The following GRIK4 variants were observed in gnomAD, a reference collection of about 807,000 sequenced individuals.
The protein encoded by GRIK4 is glutamate receptor ionotropic, kainate 4.
In GRIK4, 40 loss-of-function variants were observed where a neutral mutation model predicts 104.9. The observed-to-expected ratio is 0.38, with a 90% CI of 0.30 to 0.50. The LOEUF is 0.50. Ranked by LOEUF, GRIK4 falls within the 20% of genes least tolerant of loss-of-function variation. GRIK4 has a pLI of 0.93. For synonymous variants in GRIK4, 485 were observed against 524.9 expected (o/e 0.92, Z 1.04); for missense variants, 1,047 against 1,308.1 (o/e 0.80, Z 3.08).
chr11:120,835,348 C>T (rs866472029), intron 7 of GRIK4, among the ~76,000 whole-genome samples: 3 of 152,246 alleles, frequency 2.0e-5, no homozygotes, highest in South Asian at 2.1e-4. Flanking sequence ...GCCAATATGG[C>T]GAAATCCCAT....
chr11:120,733,504 G>A (rs536333509), intron 3 of GRIK4, among the ~76,000 whole-genome samples: 1 of 151,476 alleles, frequency 6.6e-6, no homozygotes, highest in South Asian at 2.1e-4. Flanking sequence ...TTTTTTTGGG[G>A]GGGGAGCTTA....
intron 3 of GRIK4, among the ~76,000 whole-genome samples, chr11:120,673,947 C>A (rs1396412037): frequency 6.6e-6 from 1 of 152,194 alleles, no homozygotes; most frequent in Non-Finnish European, 1.5e-5. Flanking sequence ...ATTGGTTTTT[C>A]TATTGAGCCT....
At chr11:120,812,769 G>A (rs927818411) in intron 4 of GRIK4, among the ~76,000 whole-genome samples, 4 of 152,218 alleles carry the variant, frequency 2.6e-5, no homozygotes, top group African/African-American at 7.2e-5. Flanking sequence ...TCCAGCAGGT[G>A]GTTGGAACTT....
At chr11:120,845,112 G>T (rs1304444583) in intron 8 of GRIK4, among the ~76,000 whole-genome samples, 1 of 152,178 alleles carries the variant, frequency 6.6e-6, no homozygotes, top group Non-Finnish European at 1.5e-5. Flanking sequence ...CCATTATGAA[G>T]TGATCTAGTC....
intron 1 of GRIK4, among the ~76,000 whole-genome samples, chr11:120,647,528 C>G (rs1198565383): frequency 6.6e-6 from 1 of 152,234 alleles, no homozygotes; most frequent in Admixed American, 6.5e-5. Context: ...CTCTGAGCCC[C>G]TCAGGAACAA....
chr11:120,575,973 A>G (rs913595550), intron 1 of GRIK4: 1 of 151,762 alleles, frequency 6.6e-6, no homozygotes, highest in Non-Finnish European at 1.5e-5. Flanking sequence ...AAAAAAAAAA[A>G]TGCCATCCAG....
At chr11:120,550,852 C>T (rs1464273001) in intron 1 of GRIK4, among the ~76,000 whole-genome samples, 1 of 152,052 alleles carries the variant, frequency 6.6e-6, no homozygotes, top group Admixed American at 6.6e-5. Flanking sequence ...ACAAACCGTT[C>T]TTTGAGGAGT....
At position 120,612,584 on chromosome 11, in the gene GRIK4, C is replaced by T. The variant is rs79447902; in HGVS notation, c.-158-41101C>T. Among the ~76,000 whole-genome samples, 58 of 152,000 alleles carry T rather than the reference C, an allele frequency of 3.8e-4. No individual in the cohort carries two copies. The East Asian group carries it at 0.011, about 29-fold the overall frequency. The stretch of plus-strand genomic sequence containing the variant: ...CTAAGCCTGAGTCCCTATGATGAAA[C>T]GTATAGCATGTGGGATTCCCCATGA... On this transcript the variant is annotated intron_variant, in intron 1 of 20. Coordinates refer to ENST00000527524, the MANE Select transcript of GRIK4 (RefSeq NM_014619.5).
intron 1 of GRIK4, among the ~76,000 whole-genome samples, chr11:120,578,510 G>T (rs988982648): frequency 3.3e-5 from 5 of 152,186 alleles, no homozygotes; most frequent in African/African-American, 1.2e-4. Flanking sequence ...AACCTTACAC[G>T]TAACACAGCT....
chr11:120,950,710 C>G (rs1051617939), intron 14 of GRIK4, among the ~76,000 whole-genome samples: 2 of 152,186 alleles, frequency 1.3e-5, no homozygotes, highest in Non-Finnish European at 2.9e-5. Flanking sequence ...CTCTCTGTGT[C>G]TTCCTGTGTC....
intron 3 of GRIK4, among the ~76,000 whole-genome samples, chr11:120,661,905 A>T (rs1949824226): frequency 6.6e-6 from 1 of 152,218 alleles, no homozygotes; most frequent in African/African-American, 2.4e-5. Context: ...TTCAAAACCT[A>T]ATTTAATTCT....
chr11:120,951,880 C>T (rs996926248), intron 14 of GRIK4, among the ~76,000 whole-genome samples: 8 of 152,158 alleles, frequency 5.3e-5, no homozygotes, highest in African/African-American at 1.9e-4. Context: ...GCAACTAATA[C>T]AAACTAGGTA....
intron 11 of GRIK4, among the ~76,000 whole-genome samples, chr11:120,896,276 G>T (rs188385636): frequency 7.0e-4 from 106 of 152,354 alleles, no homozygotes; most frequent in African/African-American, 2.5e-3. Context: ...AGGCCTCTCA[G>T]CTGACAGGCT....
chr11:120,907,128 C>G (rs369593876), intron 13 of GRIK4, among the ~76,000 whole-genome samples: 1 of 152,208 alleles, frequency 6.6e-6, no homozygotes, highest in Middle Eastern at 3.2e-3. Context: ...CAGACCCACT[C>G]CTGAAACATT....
intron 1 of GRIK4, among the ~76,000 whole-genome samples, chr11:120,533,000 A>G (rs1947937929): frequency 6.6e-6 from 1 of 152,204 alleles, no homozygotes; most frequent in African/African-American, 2.4e-5. Flanking sequence ...GAGACAGAGA[A>G]GTAAACAGAT....
chr11:120,896,315 CTTTTG>C (rs1167718428), intron 11 of GRIK4, among the ~76,000 whole-genome samples: 2 of 152,198 alleles, frequency 1.3e-5, no homozygotes, highest in Non-Finnish European at 2.9e-5. Context: ...TGGGTGGGCT[CTTTTG>C]TTTTGGCCTC....
At chr11:120,893,053 G>A (rs1942461605) in intron 11 of GRIK4, among the ~76,000 whole-genome samples, 1 of 152,220 alleles carries the variant, frequency 6.6e-6, no homozygotes, top group South Asian at 2.1e-4. Flanking sequence ...GTAACCCCAA[G>A]GGTAGCACTG....
chr11:120,587,620 G>T (rs961833627), intron 1 of GRIK4, among the ~76,000 whole-genome samples: 1 of 152,192 alleles, frequency 6.6e-6, no homozygotes, highest in Non-Finnish European at 1.5e-5. Flanking sequence ...CCAGTAACTT[G>T]TGAGGGGAGC....
intron 1 of GRIK4, among the ~76,000 whole-genome samples, chr11:120,542,700 C>T (rs1385790747): frequency 6.6e-6 from 1 of 152,218 alleles, no homozygotes; most frequent in African/African-American, 2.4e-5. Flanking sequence ...TGAAGAGATG[C>T]TCAACATTGC....
Sources: gnomAD v4.1 joint callset for allele counts (sites outside exome capture counted in the v4.1 genomes callset) on GRCh38, gnomAD v4.1.1 for gene constraint, MANE v1.5 for transcripts, NCBI Gene and HGNC (gene_info 2026-07-23, HGNC 2026-07-21) for gene names.